The following NKAIN2 variants were observed in gnomAD, a reference collection of about 807,000 sequenced individuals.
NKAIN2 encodes the protein sodium/potassium-transporting ATPase subunit beta-1-interacting protein 2.
Under a neutral mutation model 32.6 loss-of-function variants are expected in NKAIN2, and 14 were observed. The observed-to-expected ratio is 0.43, with a 90% CI of 0.28 to 0.67. The LOEUF (loss-of-function observed/expected upper bound fraction) is 0.67. NKAIN2 is among the 30% of genes least tolerant of loss of function. NKAIN2 has a pLI of 0.17. For synonymous variants in NKAIN2, 80 were observed against 87.2 expected (o/e 0.92, Z 0.46); for missense variants, 198 against 258.3 (o/e 0.77, Z 1.60).
At chr6:123,991,846 A>G (rs868302098) in intron 1 of NKAIN2, among the ~76,000 whole-genome samples, 3 of 152,154 alleles carry the variant, frequency 2.0e-5, no homozygotes, top group Admixed American at 6.6e-5. Context: ...CCTGGGCGAC[A>G]TAGCGAGACT....
chr6:124,651,097 T>C (rs1278135550), intron 3 of NKAIN2, among the ~76,000 whole-genome samples: 4 of 151,706 alleles, frequency 2.6e-5, no homozygotes, highest in Admixed American at 6.6e-5. Context: ...CAAAACCCAA[T>C]AGGGCAAACA....
intron 3 of NKAIN2, among the ~76,000 whole-genome samples, chr6:124,571,828 G>T (rs895828610): frequency 1.3e-5 from 2 of 152,018 alleles, no homozygotes; most frequent in African/African-American, 4.8e-5. Flanking sequence ...TAAACATTCA[G>T]GTGTATTTTT....
At chr6:124,122,201 A>G (rs1785917062) in intron 1 of NKAIN2, among the ~76,000 whole-genome samples, 1 of 152,088 alleles carries the variant, frequency 6.6e-6, no homozygotes, top group Non-Finnish European at 1.5e-5. Flanking sequence ...ATAATGACAT[A>G]ATTTGAACTG....
intron 1 of NKAIN2, among the ~76,000 whole-genome samples, chr6:124,096,216 A>G (rs2114937881): frequency 6.6e-6 from 1 of 152,346 alleles, no homozygotes; most frequent in Admixed American, 6.5e-5. Flanking sequence ...CCAAAATGTC[A>G]TACAGGATGA....
At chr6:124,719,807 T>C (rs543687216) in intron 4 of NKAIN2, among the ~76,000 whole-genome samples, 13 of 152,118 alleles carry the variant, frequency 8.5e-5, no homozygotes, top group African/African-American at 3.1e-4. Context: ...CATATTGTAA[T>C]GGAACTTTTC....
intron 4 of NKAIN2, among the ~76,000 whole-genome samples, chr6:124,689,179 C>T (rs1037152725): frequency 3.9e-5 from 6 of 152,054 alleles, no homozygotes; most frequent in African/African-American, 7.2e-5. Flanking sequence ...TTGTAAAAAG[C>T]GTGTAGAGCT....
chr6:124,674,457 A>G (rs1486306666), intron 4 of NKAIN2, among the ~76,000 whole-genome samples: 2 of 151,968 alleles, frequency 1.3e-5, no homozygotes, highest in Non-Finnish European at 2.9e-5. Flanking sequence ...GGTACTATTA[A>G]CATTTTTAAG....
At position 124,538,490 on chromosome 6, in the gene NKAIN2, CTTAT is replaced by C. The variant is rs541926132; in HGVS notation, c.274-119684_274-119681del. Among the ~76,000 whole-genome samples, 7 of 152,056 alleles carry C rather than the reference CTTAT, an allele frequency of 4.6e-5. No individual in the cohort carries two copies. In the South Asian group the frequency reaches 6.2e-4, roughly 14 times the overall value. ...AGCTTTATTTATTTATGTTTGTTTG[CTTAT>C]TTATTTATTTAATCCTAAAAGTCAT... On this transcript the variant is annotated intron_variant, in intron 3 of 6. Coordinates refer to ENST00000368417, the MANE Select transcript of NKAIN2 (RefSeq NM_001040214.3).
intron 3 of NKAIN2, among the ~76,000 whole-genome samples, chr6:124,616,277 T>C (rs1370228837): frequency 6.6e-6 from 1 of 152,056 alleles, no homozygotes; most frequent in East Asian, 1.9e-4. Context: ...GCATTTCACC[T>C]AAAGTTTATA....
At chr6:124,643,088 C>A (rs1324358900) in intron 3 of NKAIN2, among the ~76,000 whole-genome samples, 3 of 152,154 alleles carry the variant, frequency 2.0e-5, no homozygotes, top group Non-Finnish European at 4.4e-5. Flanking sequence ...CCTGCACAGC[C>A]CACCCAATCC....
At chr6:124,063,760 T>G (rs1783027722) in intron 1 of NKAIN2, among the ~76,000 whole-genome samples, 1 of 152,126 alleles carries the variant, frequency 6.6e-6, no homozygotes, top group South Asian at 2.1e-4. Context: ...GTATATTTAT[T>G]TGAATATATA....
chr6:124,621,936 T>G (rs1373577358), intron 3 of NKAIN2, among the ~76,000 whole-genome samples: 1 of 152,186 alleles, frequency 6.6e-6, no homozygotes, highest in Non-Finnish European at 1.5e-5. Context: ...GACAAAAATC[T>G]ATATATTCCT....
chr6:124,590,965 C>T (rs543407703), intron 3 of NKAIN2, among the ~76,000 whole-genome samples: 1 of 152,286 alleles, frequency 6.6e-6, no homozygotes, highest in African/African-American at 2.4e-5. Context: ...TTTCTCCCTT[C>T]TATGAGAGAG....
intron 3 of NKAIN2, among the ~76,000 whole-genome samples, chr6:124,444,363 A>G (rs1259921182): frequency 6.6e-6 from 1 of 152,068 alleles, no homozygotes; most frequent in Non-Finnish European, 1.5e-5. Context: ...TGTATGGCAC[A>G]CAGATTTGAT....
intron 2 of NKAIN2, among the ~76,000 whole-genome samples, chr6:124,294,062 T>TA (rs1021367747): frequency 2.6e-5 from 4 of 152,170 alleles, no homozygotes; most frequent in African/African-American, 9.6e-5. Flanking sequence ...TTATTTATTT[T>TA]AAAAAATGTT....
chr6:124,596,171 T>G (rs939361352), intron 3 of NKAIN2, among the ~76,000 whole-genome samples: 8 of 152,212 alleles, frequency 5.3e-5, no homozygotes, highest in African/African-American at 1.9e-4. Flanking sequence ...ACCTGCAGGG[T>G]CTGCCGAGGT....
chr6:124,202,902 G>A (rs772134898), intron 1 of NKAIN2, among the ~76,000 whole-genome samples: 7 of 151,780 alleles, frequency 4.6e-5, no homozygotes, highest in Non-Finnish European at 7.4e-5. Context: ...AGTGATTGTG[G>A]CACCTACAAG....
At chr6:123,830,470 C>A (rs1774333946) in intron 1 of NKAIN2, among the ~76,000 whole-genome samples, 2 of 152,184 alleles carry the variant, frequency 1.3e-5, no homozygotes, top group Non-Finnish European at 1.5e-5. Flanking sequence ...TCACTGTCTT[C>A]TGGTATTCTC....
At chr6:124,539,295 C>G (rs985459604) in intron 3 of NKAIN2, among the ~76,000 whole-genome samples, 3 of 152,140 alleles carry the variant, frequency 2.0e-5, no homozygotes, top group Non-Finnish European at 4.4e-5. Flanking sequence ...TAAACAAACA[C>G]TCCTTTGGAA....
Sources: allele counts gnomAD v4.1 joint callset (sites outside exome capture counted in the v4.1 genomes callset), GRCh38; gene constraint gnomAD v4.1.1; transcripts MANE v1.5; gene names NCBI Gene and HGNC (gene_info 2026-07-23, HGNC 2026-07-21).